Variants in PLXDC2 observed in about 807,000 individuals in gnomAD.
The protein encoded by PLXDC2 is plexin domain-containing protein 2.
Under a neutral mutation model 68.9 loss-of-function variants are expected in PLXDC2, and 40 were observed. That is an observed-to-expected ratio of 0.58 (90% confidence interval 0.45 to 0.76). The LOEUF is 0.76. PLXDC2 is among the 30% of genes least tolerant of loss of function. The pLI is 0.00. For missense variants in PLXDC2, 644 were observed against 661.9 expected, an observed-to-expected ratio of 0.97 and a Z score of 0.30; for synonymous variants, 243 against 234.2, an observed-to-expected ratio of 1.04 and a Z score of -0.34.
At chr10:20,068,134 A>G in intron 3 of PLXDC2, 36 bp from the exon 4 acceptor site, 10 of 1,552,532 alleles carry the variant, frequency 6.4e-6, no homozygotes, top group Non-Finnish European at 8.0e-6. Context: ...TATGCTACAC[A>G]TTATTGATTT....
intron 1 of PLXDC2, among the ~76,000 whole-genome samples, chr10:19,894,031 G>A (rs896280582): frequency 6.6e-6 from 1 of 152,174 alleles, no homozygotes; most frequent in Admixed American, 6.5e-5. Context: ...TAAATTCAGA[G>A]AAGCACCCAG....
intron 3 of PLXDC2, among the ~76,000 whole-genome samples, chr10:20,051,987 G>A (rs1564297219): frequency 1.3e-5 from 2 of 151,802 alleles, no homozygotes; most frequent in Non-Finnish European, 2.9e-5. Context: ...AAATAAAGAA[G>A]ACATTGGTCC....
intron 1 of PLXDC2, among the ~76,000 whole-genome samples, chr10:19,858,278 C>T (rs2131332364): frequency 6.6e-6 from 1 of 152,298 alleles, no homozygotes; most frequent in East Asian, 1.9e-4. Flanking sequence ...CAGGAACCTG[C>T]ACCATGCAGC....
At chr10:19,939,469 A>C (rs1334372435) in intron 1 of PLXDC2, among the ~76,000 whole-genome samples, 1 of 152,212 alleles carries the variant, frequency 6.6e-6, no homozygotes, top group Non-Finnish European at 1.5e-5. Context: ...ACATCAAATT[A>C]GGGTTTAGGG....
At chr10:20,039,745 A>T (rs905056352) in intron 2 of PLXDC2, among the ~76,000 whole-genome samples, 4 of 152,178 alleles carry the variant, frequency 2.6e-5, no homozygotes, top group East Asian at 1.9e-4. Flanking sequence ...TGTTTATTAT[A>T]AAAAAATTCA....
intron 1 of PLXDC2, among the ~76,000 whole-genome samples, chr10:19,889,269 A>G (rs574838617): frequency 6.6e-6 from 1 of 151,556 alleles, no homozygotes; most frequent in Non-Finnish European, 1.5e-5. Context: ...TCTTCTTTTC[A>G]TTGCCGGTTA....
At chr10:19,857,918 G>A (rs1837245149) in intron 1 of PLXDC2, among the ~76,000 whole-genome samples, 1 of 152,100 alleles carries the variant, frequency 6.6e-6, no homozygotes, top group Non-Finnish European at 1.5e-5. Context: ...AAGAATTGGT[G>A]GTTTTGGCAT....
At chr10:20,126,517 C>T (rs202087642) in intron 4 of PLXDC2, among the ~76,000 whole-genome samples, 1,000 of 5,132 alleles carry the variant, frequency 0.19, 330 homozygotes, top group Middle Eastern at 0.75. Flanking sequence ...ATAACACACA[C>T]GTTATATATG....
chr10:19,988,724 T>C (rs1834691468), intron 1 of PLXDC2, among the ~76,000 whole-genome samples: 1 of 148,570 alleles, frequency 6.7e-6, no homozygotes, highest in South Asian at 2.2e-4. Context: ...TGATAAGGTC[T>C]AAAATATTTA....
chr10:20,189,284 A>G (rs1256722733), intron 9 of PLXDC2, among the ~76,000 whole-genome samples: 2 of 151,032 alleles, frequency 1.3e-5, no homozygotes, highest in East Asian at 3.9e-4. Context: ...AAAAAAATAC[A>G]TAAGGTACTA....
At chr10:19,995,793 T>C (rs1362991683) in intron 1 of PLXDC2, among the ~76,000 whole-genome samples, 1 of 152,194 alleles carries the variant, frequency 6.6e-6, no homozygotes, top group Non-Finnish European at 1.5e-5. Context: ...GAAAACTCAA[T>C]TAGCTCTACC....
chr10:19,960,641 A>C (rs1834141630), intron 1 of PLXDC2, among the ~76,000 whole-genome samples: 1 of 152,124 alleles, frequency 6.6e-6, no homozygotes, highest in Non-Finnish European at 1.5e-5. Context: ...ATGACCTTGC[A>C]CTCATACCAT....
At chr10:19,993,994 T>C (rs978883201) in intron 1 of PLXDC2, among the ~76,000 whole-genome samples, 5 of 152,218 alleles carry the variant, frequency 3.3e-5, no homozygotes, top group Admixed American at 1.3e-4. Context: ...AGTCATTCTC[T>C]GCTCATCTTC....
At chr10:20,049,534 C>G (rs912548464) in intron 3 of PLXDC2, among the ~76,000 whole-genome samples, 1 of 151,946 alleles carries the variant, frequency 6.6e-6, no homozygotes, top group Non-Finnish European at 1.5e-5. Flanking sequence ...AATAAATGTT[C>G]AGAAATCACA....
chr10:20,007,829 A>G (rs920121626), intron 2 of PLXDC2, among the ~76,000 whole-genome samples: 1 of 152,224 alleles, frequency 6.6e-6, no homozygotes, highest in African/African-American at 2.4e-5. Flanking sequence ...GAGAGCAGAA[A>G]TCTTAGCTTA....
intron 3 of PLXDC2, among the ~76,000 whole-genome samples, chr10:20,067,632 G>A (rs569249369): frequency 6.6e-6 from 1 of 150,622 alleles, no homozygotes; most frequent in African/African-American, 2.5e-5. Context: ...AGGTTTCAGT[G>A]AGCCGAGATT....
At chr10:19,959,379 T>C (rs773143763) in intron 1 of PLXDC2, among the ~76,000 whole-genome samples, 7 of 152,196 alleles carry the variant, frequency 4.6e-5, no homozygotes, top group African/African-American at 9.6e-5. Flanking sequence ...CATCCAACTT[T>C]ACCTTTTGAT....
chr10:19,865,769 G>A (rs1009014730), intron 1 of PLXDC2, among the ~76,000 whole-genome samples: 1 of 152,148 alleles, frequency 6.6e-6, no homozygotes, highest in Non-Finnish European at 1.5e-5. Flanking sequence ...CATAAAGTTG[G>A]TTTTCACAGT....
chr10:20,015,983 A>G (rs1835203448), intron 2 of PLXDC2, among the ~76,000 whole-genome samples: 1 of 152,188 alleles, frequency 6.6e-6, no homozygotes, highest in South Asian at 2.1e-4. Flanking sequence ...TGTCACCATT[A>G]TGGCAAAGCC....
Sources: allele counts gnomAD v4.1 joint callset (sites outside exome capture counted in the v4.1 genomes callset), GRCh38; gene constraint gnomAD v4.1.1; transcripts MANE v1.5; gene names NCBI Gene and HGNC (gene_info 2026-07-23, HGNC 2026-07-21).